SRGAP2: variants seen among roughly 807,000 people sequenced by gnomAD.
SRGAP2 encodes SLIT-ROBO Rho GTPase-activating protein 2.
Under a neutral mutation model 57.2 loss-of-function variants are expected in SRGAP2, and 15 were observed. The ratio of observed to expected loss-of-function variants is 0.26; its 90% confidence interval spans 0.18 to 0.40. The LOEUF is 0.40. Among genes scored for constraint, SRGAP2 ranks in the 10% least tolerant of loss-of-function variants. The probability of loss-of-function intolerance (pLI) is 1.00; values close to 1 mark genes in which losing one functional copy is unlikely to be tolerated. For missense variants in SRGAP2, 520 were observed against 669.6 expected (o/e 0.78, Z 2.47); for synonymous variants, 249 against 248.0 (o/e 1.00, Z -0.04).
At chr1:206,419,429 A>C (rs782416686) in intron 12 of SRGAP2, 29 bp downstream of exon 12, 1 of 780,586 alleles carries the variant, frequency 1.3e-6, no homozygotes, top group Non-Finnish European at 2.4e-6. Context: ...AGGCCTGGGA[A>C]GTGATAGAGG....
chr1:206,409,962 G>C (rs113362319), intron 10 of SRGAP2, among the ~76,000 whole-genome samples: 1 of 152,096 alleles, frequency 6.6e-6, no homozygotes, highest in Non-Finnish European at 1.5e-5. Context: ...TTAGCTGGGC[G>C]TGGTGGCGCA....
chr1:206,447,071 A>G (rs1382271312), intron 18 of SRGAP2, among the ~76,000 whole-genome samples: 3 of 152,238 alleles, frequency 2.0e-5, no homozygotes, highest in Non-Finnish European at 4.4e-5. Flanking sequence ...TACAGGGTAC[A>G]GTCCGTTACC....
intron 3 of SRGAP2, among the ~76,000 whole-genome samples, chr1:206,307,523 C>A (rs1672312174): frequency 6.6e-6 from 1 of 152,110 alleles, no homozygotes; most frequent in African/African-American, 2.4e-5. Flanking sequence ...GTCGGGGAGG[C>A]TCCGGCCGCA....
intron 4 of SRGAP2, among the ~76,000 whole-genome samples, chr1:206,364,100 T>G (rs2103000696): frequency 6.8e-6 from 1 of 147,644 alleles, no homozygotes; most frequent in South Asian, 2.3e-4. Context: ...AGTAGTTCAT[T>G]CAAGAGCGGG....
At chr1:206,290,776 A>T (rs1372909466) in intron 2 of SRGAP2, among the ~76,000 whole-genome samples, 20 of 152,076 alleles carry the variant, frequency 1.3e-4, no homozygotes, top group African/African-American at 4.6e-4. Context: ...TATTAACAAA[A>T]TTTTACAGAA....
intron 2 of SRGAP2, among the ~76,000 whole-genome samples, chr1:206,210,386 A>G (rs1553302189): frequency 7.1e-6 from 1 of 140,020 alleles, no homozygotes; most frequent in Non-Finnish European, 1.5e-5. Flanking sequence ...CTTTCTCGAG[A>G]ACATTAGGGG....
At chr1:206,441,175 C>A (rs1662263197) in intron 17 of SRGAP2, among the ~76,000 whole-genome samples, 2 of 152,150 alleles carry the variant, frequency 1.3e-5, no homozygotes, top group South Asian at 4.1e-4. Context: ...GGAATCAAGA[C>A]AATGTGTTGA....
intron 2 of SRGAP2, among the ~76,000 whole-genome samples, chr1:206,295,276 T>A (rs1381840693): frequency 1.3e-5 from 2 of 152,104 alleles, no homozygotes; most frequent in African/African-American, 2.4e-5. Flanking sequence ...CAGGCTGGAG[T>A]GCAATGGTGT....
chr1:206,334,703 G>T (rs550933813), intron 3 of SRGAP2, among the ~76,000 whole-genome samples: 1 of 152,278 alleles, frequency 6.6e-6, no homozygotes, highest in Non-Finnish European at 1.5e-5. Flanking sequence ...GATAATAAGT[G>T]TGTGGATTTC....
intron 21 of SRGAP2, among the ~76,000 whole-genome samples, chr1:206,457,402 C>G (rs1467214831): frequency 1.3e-5 from 2 of 152,156 alleles, no homozygotes; most frequent in Non-Finnish European, 2.9e-5. Context: ...ATCAGATGCT[C>G]TGAAGGTACA....
chr1:206,418,378 A>G (rs1333778688), intron 11 of SRGAP2, among the ~76,000 whole-genome samples: 6 of 152,218 alleles, frequency 3.9e-5, no homozygotes, highest in African/African-American at 1.4e-4. Flanking sequence ...ACAATTACCA[A>G]CCTTTAAAGG....
intron 14 of SRGAP2, among the ~76,000 whole-genome samples, chr1:206,431,478 G>T (rs1436128345): frequency 6.6e-6 from 1 of 152,226 alleles, no homozygotes; most frequent in Non-Finnish European, 1.5e-5. Flanking sequence ...CAGTCAAACA[G>T]TTTGCAAAGA....
chr1:206,384,372 C>G lies in SRGAP2; in HGVS notation c.486+296C>G, dbSNP rs563856326. Among the ~76,000 whole-genome samples, 38 of 152,150 alleles carry G rather than the reference C, an allele frequency of 2.5e-4. 2 individuals are homozygous for G. In the South Asian group the frequency reaches 7.5e-3, roughly 30 times the overall value. ...GTCTAGGTCATTGGCACAATGGACCCTGTTAGCAGCAAACCAGGGACCCTG... is the reference window on the plus strand; with the variant it reads ...GTCTAGGTCATTGGCACAATGGACCGTGTTAGCAGCAAACCAGGGACCCTG... On this transcript the variant is annotated intron_variant, in intron 5 of 22. Transcript: ENST00000573034.
rs146764855 is a variant in SRGAP2, at chr1:206,309,842, A to T, written c.260+6369A>T. ...ATGAAAGTATATGAATTCAGGGAAGAGAAAGAGGAGAACAAAGAACTAAAT... is the reference window on the plus strand; with the variant it reads ...ATGAAAGTATATGAATTCAGGGAAGTGAAAGAGGAGAACAAAGAACTAAAT... On this transcript the variant is annotated intron_variant, in intron 3 of 22. Transcript: ENST00000573034. 3.5e-3 allele frequency among the ~76,000 whole-genome samples: 527 copies of T among 151,246 alleles called. 2 individuals are homozygous for T. The highest frequency in any genetic ancestry group is 0.031 in the Middle Eastern group (9 of 294).
chr1:206,203,877 G>A (rs200836881), intron 1 of SRGAP2: 18,536 of 1,441,026 alleles, frequency 0.013, 145 homozygotes, highest in Middle Eastern at 0.026. Flanking sequence ...GCCCATCACT[G>A]TACAGCCTGG....
chr1:206,279,172 C>T (rs1429757625), intron 2 of SRGAP2, among the ~76,000 whole-genome samples: 126 of 60,314 alleles, frequency 2.1e-3, no homozygotes, highest in Non-Finnish European at 3.2e-3. Flanking sequence ...TTACTAGAGA[C>T]CTGGAACCTA....
chr1:206,314,089 C>CTTTTTTGTT (rs1293523423), intron 3 of SRGAP2, among the ~76,000 whole-genome samples: 2 of 131,326 alleles, frequency 1.5e-5, no homozygotes, highest in Non-Finnish European at 3.2e-5. Flanking sequence ...TAGAGAGGGG[C>CTTTTTTGTT]TTTTTTGTTT....
intron 19 of SRGAP2, 78 bp from the exon 20 acceptor site, chr1:206,453,122 T>G: frequency 2.2e-6 from 1 of 460,028 alleles, no homozygotes. Context: ...TAAGTTCAGC[T>G]AATTCAGCTT....
At chr1:206,436,863 A>G in intron 14 of SRGAP2, 102 bp from the exon 15 acceptor site, 4 of 755,082 alleles carry the variant, frequency 5.3e-6, no homozygotes, top group Non-Finnish European at 1.0e-5. Flanking sequence ...CAGCGTGCTT[A>G]AATACATGCT....
Sources: gnomAD v4.1 joint callset for allele counts (sites outside exome capture counted in the v4.1 genomes callset) on GRCh38, gnomAD v4.1.1 for gene constraint, MANE v1.5 for transcripts, NCBI Gene and HGNC (gene_info 2026-07-23, HGNC 2026-07-21) for gene names.